NINJ2: variants seen among roughly 807,000 people sequenced by gnomAD.
NINJ2 encodes ninjurin 2.
Under a neutral mutation model 11.7 loss-of-function variants are expected in NINJ2, and 12 were observed. The ratio of observed to expected loss-of-function variants is 1.02; its 90% CI spans 0.66 to 1.66. NINJ2 has a LOEUF of 1.66. Ranked by LOEUF, NINJ2 falls within the 40% of genes most tolerant of loss-of-function variation. The pLI is 0.00. For synonymous variants in NINJ2, 93 were observed against 76.8 expected (o/e 1.21, Z -1.10); for missense variants, 187 against 181.8 (o/e 1.03, Z -0.16).
intron 1 of NINJ2, among the ~76,000 whole-genome samples, chr12:638,155 C>G (rs939098372): frequency 1.3e-5 from 2 of 152,222 alleles, no homozygotes; most frequent in African/African-American, 2.4e-5. Flanking sequence ...GCACCTAGGC[C>G]TGCTGCATTC....
chr12:657,696 T>C (rs1217895105), intron 1 of NINJ2, among the ~76,000 whole-genome samples: 1 of 152,168 alleles, frequency 6.6e-6, no homozygotes, highest in African/African-American at 2.4e-5. Flanking sequence ...ATGAGAAGAT[T>C]CTCCACATCT....
rs1555165015 is a variant in NINJ2, at chr12:611,221, C to CTT, written c.34-45045_34-45044dup. Among the ~76,000 whole-genome samples, 147 of 129,866 alleles carry CTT rather than the reference C, an allele frequency of 1.1e-3. 1 individual carries two copies. The highest frequency in any genetic ancestry group is 3.7e-3 in the African/African-American group (132 of 35,906). 85.2% of individuals were successfully genotyped at this position (129,866 alleles called of 152,430 possible). Reference sequence around the variant, plus strand: ...TTTCTTTTTCTTTCCCTCTTTCTTTCTTTCTTTTTCTTTCTTTCTTTCTTT... The same window carrying CTT: ...TTTCTTTTTCTTTCCCTCTTTCTTTCTTTTTCTTTTTCTTTCTTTCTTTCTTT... On this transcript the variant is annotated intron_variant, in intron 1 of 3. Transcript: ENST00000305108.
Position 656,495 on chromosome 12 carries a change from A to AG in NINJ2, c.33+6832_33+6833insC, listed in dbSNP as rs201617444. Among the ~76,000 whole-genome samples the AG allele has an allele frequency of 3.3e-3, 496 of 152,208 alleles. 16 individuals are homozygous for AG. The highest frequency in any genetic ancestry group is 0.032 in the East Asian group (165 of 5,170). ...GCCAGGCATGGTGGCTCACACCTGT[A>AG]ATCCCAGCACTTTGGGAGGTAGGGT... On this transcript the variant is annotated intron_variant, in intron 1 of 3. Coordinates refer to ENST00000305108, the MANE Select transcript of NINJ2 (RefSeq NM_016533.6).
chr12:565,408 G>C lies in NINJ2; in HGVS notation c.263-7C>G. The C allele has an allele frequency of 6.2e-7, 1 of 1,613,448 alleles. No homozygotes were observed. Among genetic ancestry groups the C allele is most frequent in the Non-Finnish European group, 8.5e-7 (1 of 1,179,742 alleles). On this transcript the variant is annotated splice_polypyrimidine_tract_variant and splice_region_variant and intron_variant, in intron 2 of 3. Transcript: ENST00000305108. The stretch of plus-strand genomic sequence containing the variant: ...TCATTCAGGTTCAGCCGTGCTGCAG[G>C]GAAGTGGAGTGGGGGGAAAGGGTCA...
chr12:620,927 G>T (rs183220039), intron 1 of NINJ2, among the ~76,000 whole-genome samples: 1 of 152,316 alleles, frequency 6.6e-6, no homozygotes, highest in African/African-American at 2.4e-5. Flanking sequence ...ACTGCTCCCA[G>T]CTAAGGTTTT....
Position 566,159 on chromosome 12 carries a change from C to G in NINJ2, c.53G>C (p.Arg18Thr), listed in dbSNP as rs1947299156. The G allele has an allele frequency of 6.2e-7, 1 of 1,613,698 alleles. No homozygotes were observed. Among genetic ancestry groups the G allele is most frequent in the Non-Finnish European group, 8.5e-7 (1 of 1,179,786 alleles). Residue 18 changes from arginine to threonine, a missense_variant, in exon 2 of 4, where the codon AGG becomes ACG. Transcript: ENST00000305108. The stretch of plus-strand genomic sequence containing the variant: ...ATGGTTCAGGTTGATGGGCTGGCTC[C>G]TGGGGTCGGAGCTTCCAGGCTGTAG... ...IDLQPGSSDP[R>T]SQPINLNHYA... is the part of the protein sequence containing the mutation.
At chr12:642,987 T>C (rs1328849993) in intron 1 of NINJ2, 1 of 146,586 alleles carries the variant, frequency 6.8e-6, no homozygotes, top group Non-Finnish European at 1.5e-5. Context: ...CCTCCCCAGC[T>C]GGCCCGGCCG....
At chr12:657,988 C>CTTTTTT (rs1164230214) in intron 1 of NINJ2, among the ~76,000 whole-genome samples, 2 of 54,400 alleles carry the variant, frequency 3.7e-5, no homozygotes, top group African/African-American at 7.4e-5. Flanking sequence ...CCTACACAGG[C>CTTTTTT]TTTTTTTTTT....
Position 604,562 on chromosome 12 carries a change from T to A in NINJ2, c.34-38384A>T, listed in dbSNP as rs1248803283. 4.6e-5 allele frequency among the ~76,000 whole-genome samples: 7 copies of A among 152,100 alleles called. 1 individual carries two copies. The highest frequency in any genetic ancestry group is 3.9e-4 in the Admixed American group (6 of 15,272). ...CTGAGGCACGAGAATCGCTTGAACC[T>A]GGGAGGCGGAGGCTGCAGTGAGCTG... On this transcript the variant is annotated intron_variant, in intron 1 of 3. Transcript: ENST00000305108.
intron 2 of NINJ2, 110 bp downstream of exon 2, chr12:565,839 TG>T: frequency 1.1e-6 from 1 of 926,772 alleles, no homozygotes; most frequent in Non-Finnish European, 1.8e-6. Flanking sequence ...GGTCAGCGTG[TG>T]GTTGCAAAGC....
intron 1 of NINJ2, among the ~76,000 whole-genome samples, chr12:658,746 A>G (rs796958565): frequency 2.6e-5 from 4 of 151,788 alleles, no homozygotes; most frequent in African/African-American, 9.7e-5. Flanking sequence ...GCTATGCTAT[A>G]CTATACTATG....
At chr12:612,898 TAGAC>T (rs774357139) in intron 1 of NINJ2, among the ~76,000 whole-genome samples, 1 of 152,146 alleles carries the variant, frequency 6.6e-6, no homozygotes, top group Non-Finnish European at 1.5e-5. Context: ...ACTAGGTAGA[TAGAC>T]AGATTGATCG....
chr12:613,533 TA>T (rs1356857229), intron 1 of NINJ2, among the ~76,000 whole-genome samples: 2 of 149,944 alleles, frequency 1.3e-5, no homozygotes, highest in Non-Finnish European at 3.0e-5. Flanking sequence ...TGCTTGAACT[TA>T]GGAGGCAGAG....
chr12:632,664 G>A, intron 1 of NINJ2: 1 of 152,200 alleles, frequency 6.6e-6, no homozygotes, highest in Non-Finnish European at 1.5e-5. Context: ...GAAGTACTAG[G>A]TCCTGAGGAG....
intron 1 of NINJ2, among the ~76,000 whole-genome samples, chr12:629,920 T>TATATA (rs1948258262): frequency 1.0e-5 from 1 of 99,012 alleles, no homozygotes; most frequent in Non-Finnish European, 2.0e-5. Flanking sequence ...TATATATATA[T>TATATA]ATGAAGTTTC....
At chr12:620,063 G>C (rs1241365774) in intron 1 of NINJ2, among the ~76,000 whole-genome samples, 1 of 152,194 alleles carries the variant, frequency 6.6e-6, no homozygotes, top group Non-Finnish European at 1.5e-5. Flanking sequence ...TCACTCTCTT[G>C]TCTGACTGTT....
At chr12:655,277 C>T (rs1167471374) in intron 1 of NINJ2, among the ~76,000 whole-genome samples, 1 of 152,064 alleles carries the variant, frequency 6.6e-6, no homozygotes, top group Non-Finnish European at 1.5e-5. Context: ...GTAGTTCCTT[C>T]AGAAAAAGGA....
intron 1 of NINJ2, among the ~76,000 whole-genome samples, chr12:616,413 G>A (rs1309002070): frequency 6.6e-6 from 1 of 152,360 alleles, no homozygotes. Context: ...AGGACTGTGT[G>A]TAGGTCCAGG....
intron 1 of NINJ2, among the ~76,000 whole-genome samples, chr12:572,850 ATTT>A (rs539715060): frequency 0.36 from 34,310 of 95,706 alleles, 4,489 homozygotes; most frequent in Non-Finnish European, 0.43. Flanking sequence ...AGAGCCTGTA[ATTT>A]TTTTTTTTTT....
Sources: gnomAD v4.1 joint callset for allele counts (sites outside exome capture counted in the v4.1 genomes callset) on GRCh38, gnomAD v4.1.1 for gene constraint, MANE v1.5 for transcripts, NCBI Gene and HGNC (gene_info 2026-07-23, HGNC 2026-07-21) for gene names.